Variants in TBC1D31 observed in about 807,000 individuals in gnomAD.
The protein encoded by TBC1D31 is TBC1 domain family member 31, also known as WD repeat domain 67.
A neutral mutation model predicts 132.9 loss-of-function variants in TBC1D31; 99 were observed. That is an observed-to-expected ratio of 0.74 (90% CI 0.63 to 0.88). The LOEUF (loss-of-function observed/expected upper bound fraction) is 0.88. Ranked by LOEUF, TBC1D31 falls within the 40% of genes least tolerant of loss-of-function variation. The probability of loss-of-function intolerance (pLI) is 0.00; values close to 1 mark genes in which losing one functional copy is unlikely to be tolerated. For synonymous variants in TBC1D31, 385 were observed against 419.4 expected (o/e 0.92, Z 1.00); for missense variants, 1,134 against 1,256.6 (o/e 0.90, Z 1.48).
intron 17 of TBC1D31, among the ~76,000 whole-genome samples, chr8:123,139,568 C>A (rs897215566): frequency 6.6e-6 from 1 of 152,164 alleles, no homozygotes; most frequent in Non-Finnish European, 1.5e-5. Context: ...CTTTATCACT[C>A]AGCTAGGCAG....
the TBC1D31 span, among the ~76,000 whole-genome samples, chr8:123,157,231 G>T: frequency 6.6e-6 from 1 of 152,138 alleles, no homozygotes; most frequent in Non-Finnish European, 1.5e-5. Flanking sequence ...AAATTATTGT[G>T]CCCCGTGTGA....
chr8:123,084,532 C>CTAAAAT (rs745801991), intron 4 of TBC1D31, among the ~76,000 whole-genome samples, 192 bp downstream of exon 4: 19 of 152,174 alleles, frequency 1.2e-4, no homozygotes, highest in Non-Finnish European at 1.5e-5. Context: ...GAGCTCTTTT[C>CTAAAAT]TAAAATTATA....
At chr8:123,163,744 C>A in the TBC1D31 span, among the ~76,000 whole-genome samples, 1 of 152,064 alleles carries the variant, frequency 6.6e-6, no homozygotes, top group East Asian at 1.9e-4. Flanking sequence ...TGGATAAGTT[C>A]TTTAGTGGTG....
chr8:123,093,722 C>T lies in TBC1D31; in HGVS notation c.651C>T (p.Tyr217=). 2 of 1,596,878 alleles carry T rather than the reference C, an allele frequency of 1.3e-6. No homozygotes were observed. Among genetic ancestry groups the T allele is most frequent in the Non-Finnish European group, 8.6e-7 (1 of 1,169,276 alleles). ...PAPPESSSIL[Y]KVFAVTRDGR... is the part of the protein sequence containing the mutation. ...CACCTGAAAGCTCTAGTATATTATACAAAGTGTTTGCTGTAACCAGGTAAT... is the reference window on the plus strand; with the variant it reads ...CACCTGAAAGCTCTAGTATATTATATAAAGTGTTTGCTGTAACCAGGTAAT... Residue 217 remains tyrosine (Y), a synonymous_variant, in exon 5 of 22, where the codon TAC becomes TAT. Transcript: ENST00000287380.
At chr8:123,102,619 T>C in intron 7 of TBC1D31, 1 of 181,160 alleles carries the variant, frequency 5.5e-6, no homozygotes, top group Non-Finnish European at 1.2e-5. Flanking sequence ...CTCACTAAAA[T>C]TTATTTGTAA....
the TBC1D31 span, among the ~76,000 whole-genome samples, chr8:123,163,702 C>T: frequency 6.6e-6 from 1 of 152,008 alleles, no homozygotes; most frequent in South Asian, 2.1e-4. Flanking sequence ...TATTTCAATA[C>T]CTTTGGGGGG....
At chr8:123,077,384 A>C in intron 2 of TBC1D31, 127 bp downstream of exon 2, 2 of 921,142 alleles carry the variant, frequency 2.2e-6, no homozygotes, top group Non-Finnish European at 3.1e-6. Flanking sequence ...GGTACCTTGC[A>C]AAATACTGTC....
At chr8:123,153,737 A>C (rs929347063), downstream of TBC1D31, among the ~76,000 whole-genome samples, 6 of 152,206 alleles carry the variant, frequency 3.9e-5, no homozygotes, top group African/African-American at 1.4e-4. Context: ...TCTGGAATTG[A>C]ATAGGGGCTG....
intron 4 of TBC1D31, among the ~76,000 whole-genome samples, chr8:123,091,503 A>G (rs1405280195): frequency 1.3e-5 from 2 of 152,228 alleles, no homozygotes; most frequent in Non-Finnish European, 2.9e-5. Context: ...AGTGAATCTA[A>G]TAGCAAAAGA....
chr8:123,095,075 A>C, intron 5 of TBC1D31, among the ~76,000 whole-genome samples: 1 of 151,184 alleles, frequency 6.6e-6, no homozygotes, highest in African/African-American at 2.4e-5. Flanking sequence ...TATATTCTGG[A>C]TTTTGCTCTT....
chr8:123,141,991 G>A (rs1821750146), intron 18 of TBC1D31, among the ~76,000 whole-genome samples: 1 of 151,688 alleles, frequency 6.6e-6, no homozygotes. Flanking sequence ...CTCCTGAGTA[G>A]CTGTGACTAC....
chr8:123,163,363 C>T, the TBC1D31 span, among the ~76,000 whole-genome samples: 1 of 41,326 alleles, frequency 2.4e-5, no homozygotes, highest in African/African-American at 1.2e-4. Context: ...ATCACTTTAA[C>T]CTTTTTTTTT....
chr8:123,138,225 A>T (rs1317793915), intron 17 of TBC1D31, among the ~76,000 whole-genome samples: 1 of 152,112 alleles, frequency 6.6e-6, no homozygotes, highest in Non-Finnish European at 1.5e-5. Context: ...AAATGGCTAC[A>T]TATTTTTGTA....
intron 1 of TBC1D31, among the ~76,000 whole-genome samples, 162 bp from the exon 2 acceptor site, chr8:123,076,949 T>A (rs1435001832): frequency 6.6e-6 from 1 of 152,172 alleles, no homozygotes; most frequent in Non-Finnish European, 1.5e-5. Context: ...TCTGACCTGT[T>A]TTTCTGAAAT....
chr8:123,160,311 C>A, the TBC1D31 span, among the ~76,000 whole-genome samples: 10 of 152,100 alleles, frequency 6.6e-5, no homozygotes, highest in African/African-American at 1.7e-4. Context: ...TACCTTTGAA[C>A]AGGTTTTTTA....
chr8:123,156,796 A>T (rs1401081525), downstream of TBC1D31, among the ~76,000 whole-genome samples: 1 of 151,922 alleles, frequency 6.6e-6, no homozygotes, highest in African/African-American at 2.4e-5. Flanking sequence ...CTGCCTACCC[A>T]TCCCGCAGCT....
chr8:123,101,669 T>C (rs750211836), intron 7 of TBC1D31, among the ~76,000 whole-genome samples: 7 of 152,166 alleles, frequency 4.6e-5, no homozygotes, highest in Non-Finnish European at 8.8e-5. Context: ...CACCTTGGCT[T>C]CCCACAGTGC....
chr8:123,095,590 A>G (rs1037522773), intron 5 of TBC1D31, among the ~76,000 whole-genome samples: 2 of 152,220 alleles, frequency 1.3e-5, no homozygotes, highest in Non-Finnish European at 2.9e-5. Context: ...GTTTTAATAC[A>G]TTGCAGCTGT....
intron 1 of TBC1D31, among the ~76,000 whole-genome samples, chr8:123,075,268 ATTG>A (rs1322708492): frequency 1.3e-5 from 2 of 152,230 alleles, no homozygotes; most frequent in Admixed American, 6.5e-5. Flanking sequence ...AAAAATAAGC[ATTG>A]TTAAGAATTT....
Sources: gnomAD v4.1 joint callset for allele counts (sites outside exome capture counted in the v4.1 genomes callset) on GRCh38, gnomAD v4.1.1 for gene constraint, MANE v1.5 for transcripts, NCBI Gene and HGNC (gene_info 2026-07-23, HGNC 2026-07-21) for gene names.